MTUS2: variants seen among roughly 807,000 people sequenced by gnomAD.
The protein encoded by MTUS2 is microtubule-associated tumor suppressor candidate 2.
In MTUS2, 40 loss-of-function variants were observed where a neutral mutation model predicts 114.1. The ratio of observed to expected loss-of-function variants is 0.35; its 90% CI spans 0.27 to 0.46. MTUS2 has a LOEUF of 0.46. Among genes scored for constraint, MTUS2 ranks in the 20% least tolerant of loss-of-function variants. The pLI is 1.00. For missense variants in MTUS2, 1,679 were observed against 1,705.4 expected (o/e 0.98, Z 0.27); for synonymous variants, 688 against 672.0 (o/e 1.02, Z -0.37).
intron 5 of MTUS2, among the ~76,000 whole-genome samples, chr13:29,149,328 G>A (rs184977473): frequency 6.6e-6 from 1 of 152,152 alleles, no homozygotes; most frequent in Non-Finnish European, 1.5e-5. Context: ...GTCTTCTTTT[G>A]AGAAGTGTCT....
chr13:29,140,621 CA>C (rs1892178399), intron 5 of MTUS2, among the ~76,000 whole-genome samples: 2 of 152,310 alleles, frequency 1.3e-5, no homozygotes, highest in South Asian at 4.1e-4. Context: ...GGAAGATGAT[CA>C]CCCAAAGGTA....
chr13:29,059,214 T>C (rs1731524457), intron 4 of MTUS2, among the ~76,000 whole-genome samples: 2 of 149,876 alleles, frequency 1.3e-5, no homozygotes, highest in East Asian at 2.0e-4. Flanking sequence ...GTCTTTGAAG[T>C]TGCTATTCTT....
intron 5 of MTUS2, among the ~76,000 whole-genome samples, chr13:29,245,411 G>T (rs551054093): frequency 6.6e-6 from 1 of 152,288 alleles, no homozygotes; most frequent in African/African-American, 2.4e-5. Flanking sequence ...TGCAAGGTAT[G>T]TTCTAATCAG....
intron 9 of MTUS2, among the ~76,000 whole-genome samples, chr13:29,458,535 A>G (rs1216538603): frequency 6.6e-6 from 1 of 152,154 alleles, no homozygotes; most frequent in Non-Finnish European, 1.5e-5. Context: ...TATTTGTCCT[A>G]GATGCTGTCT....
intron 5 of MTUS2, among the ~76,000 whole-genome samples, chr13:29,232,969 A>T (rs1375953690): frequency 6.6e-6 from 1 of 152,330 alleles, no homozygotes; most frequent in South Asian, 2.1e-4. Flanking sequence ...CTAAATGTTC[A>T]GAGTCTCCTG....
chr13:29,156,355 G>A (rs747319081), intron 5 of MTUS2, among the ~76,000 whole-genome samples: 1 of 152,118 alleles, frequency 6.6e-6, no homozygotes, highest in Non-Finnish European at 1.5e-5. Context: ...GATCTTGAAT[G>A]TATCACCTAT....
chr13:29,274,999 G>T (rs1363975450), intron 5 of MTUS2, among the ~76,000 whole-genome samples: 1 of 152,140 alleles, frequency 6.6e-6, no homozygotes, highest in Non-Finnish European at 1.5e-5. Context: ...CTCCCAAAGT[G>T]CTGAGATTAC....
intron 5 of MTUS2, among the ~76,000 whole-genome samples, chr13:29,180,492 C>G (rs1893952362): frequency 6.6e-6 from 1 of 152,292 alleles, no homozygotes; most frequent in South Asian, 2.1e-4. Context: ...TAAGGTCACT[C>G]AATTTGGAAA....
At chr13:29,158,128 A>G (rs561527245) in intron 5 of MTUS2, among the ~76,000 whole-genome samples, 75 of 152,192 alleles carry the variant, frequency 4.9e-4, no homozygotes, top group African/African-American at 1.7e-3. Context: ...TCTTCACTCC[A>G]AGGGGACTGT....
chr13:29,067,959 T>G (rs1888737781), intron 4 of MTUS2, among the ~76,000 whole-genome samples: 1 of 151,836 alleles, frequency 6.6e-6, no homozygotes, highest in Admixed American at 6.6e-5. Flanking sequence ...ATTAATTGAT[T>G]GGCATCACCT....
At chr13:29,224,250 C>G (rs1015568906) in intron 5 of MTUS2, among the ~76,000 whole-genome samples, 6 of 152,184 alleles carry the variant, frequency 3.9e-5, no homozygotes, top group African/African-American at 1.2e-4. Context: ...CAAGTGCTCT[C>G]GTAGTACCTT....
chr13:29,241,694 T>G lies in MTUS2; in HGVS notation c.2645-40010T>G, dbSNP rs557223529. Among the ~76,000 whole-genome samples the G allele has an allele frequency of 2.0e-5, 3 of 152,326 alleles. No individual in the cohort carries two copies. In the East Asian group the frequency reaches 5.8e-4, roughly 29 times the overall value. ...AAGGGTTTCTTGGACAAGAACCCCG[T>G]CTTAGTTTATCTCTGTGTACTGAGC... On this transcript the variant is annotated intron_variant, in intron 5 of 15. Transcript: ENST00000612955.
chr13:29,200,521 G>GTTTTTTTTTTTTTTTTTTTTTTTTT (rs56965083), intron 5 of MTUS2, among the ~76,000 whole-genome samples: 8 of 85,432 alleles, frequency 9.4e-5, no homozygotes, highest in Non-Finnish European at 1.7e-4. Flanking sequence ...TTCTTTTTCT[G>GTTTTTTTTTTTTTTTTTTTTTTTTT]TTTTTTTTTT....
chr13:28,961,558 T>C (rs1044869364), intron 2 of MTUS2, among the ~76,000 whole-genome samples: 3 of 152,126 alleles, frequency 2.0e-5, no homozygotes, highest in Non-Finnish European at 2.9e-5. Context: ...AAATTTTAAA[T>C]GATAAAACCT....
At chr13:28,949,864 C>T (rs375970511) in intron 2 of MTUS2, among the ~76,000 whole-genome samples, 4 of 152,224 alleles carry the variant, frequency 2.6e-5, no homozygotes, top group South Asian at 4.1e-4. Flanking sequence ...TGAACACTTG[C>T]ACTGCCTCTG....
intron 2 of MTUS2, among the ~76,000 whole-genome samples, chr13:29,009,415 ATATAG>A (rs927352709): frequency 2.0e-5 from 3 of 151,878 alleles, no homozygotes; most frequent in African/African-American, 7.2e-5. Context: ...AATATTAATA[ATATAG>A]TATAATATAA....
intron 2 of MTUS2, among the ~76,000 whole-genome samples, chr13:28,896,309 A>G (rs560315860): frequency 1.5e-3 from 235 of 152,316 alleles, no homozygotes; most frequent in African/African-American, 5.6e-3. Context: ...CAATTGCTTC[A>G]AAGAGAATAA....
chr13:29,236,920 C>G (rs1202888869), intron 5 of MTUS2, among the ~76,000 whole-genome samples: 1 of 152,190 alleles, frequency 6.6e-6, no homozygotes, highest in Admixed American at 6.5e-5. Flanking sequence ...TTCTTGTTCT[C>G]TGTTGGAAAG....
intron 5 of MTUS2, among the ~76,000 whole-genome samples, chr13:29,148,277 G>T (rs1452282994): frequency 6.7e-6 from 1 of 150,280 alleles, no homozygotes; most frequent in Non-Finnish European, 1.5e-5. Flanking sequence ...TCTTAAATAA[G>T]TAAATGTGTG....
Sources: gnomAD v4.1 joint callset for allele counts (sites outside exome capture counted in the v4.1 genomes callset) on GRCh38, gnomAD v4.1.1 for gene constraint, MANE v1.5 for transcripts, NCBI Gene and HGNC (gene_info 2026-07-23, HGNC 2026-07-21) for gene names.